Variants in EFEMP1 observed in about 807,000 individuals in gnomAD.
EFEMP1 encodes EGF-like fibulin extracellular matrix protein 1.
A neutral mutation model predicts 65.7 loss-of-function variants in EFEMP1; 18 were observed. That is an observed-to-expected ratio of 0.27 (90% CI 0.19 to 0.41). EFEMP1 has a LOEUF of 0.41. Among genes scored for constraint, EFEMP1 ranks in the 10% least tolerant of loss-of-function variants. EFEMP1 has a pLI of 1.00. For synonymous variants in EFEMP1, 237 were observed against 219.7 expected (o/e 1.08, Z -0.70); for missense variants, 469 against 624.8 (o/e 0.75, Z 2.66).
At position 55,922,301 on chromosome 2, in the gene EFEMP1, C is replaced by CT. The variant is rs1326082501; in HGVS notation, c.81+58dup. ...ATACACTGGCAGGGGTGTGTAAAGT[C>CT]TTTTTTTGTCACAGAATCCCGCTGA... On this transcript the variant is annotated intron_variant, in intron 3 of 11. Transcript: ENST00000355426. The surrounding 1 kb of genome is among the most constrained non-coding windows in gnomAD (Gnocchi z 5.5). The CT allele has an allele frequency of 1.4e-5, 22 of 1,544,316 alleles. No individual in the cohort carries two copies. The highest frequency in any genetic ancestry group is 1.9e-5 in the Non-Finnish European group (21 of 1,117,594).
intron 8 of EFEMP1, among the ~76,000 whole-genome samples, chr2:55,875,449 A>G (rs1572789606): frequency 2.0e-5 from 3 of 151,840 alleles, no homozygotes; most frequent in African/African-American, 7.3e-5. Context: ...AAATATTGCA[A>G]ATTCTGAAAT....
In EFEMP1 at chr2:55,870,598, A is replaced by G. The variant is rs1265588386; in HGVS notation, c.1320+122T>C. 1 of 1,227,574 alleles carries G rather than the reference A, an allele frequency of 8.1e-7. No individual in the cohort carries two copies. The highest frequency in any genetic ancestry group is 1.2e-6 in the Non-Finnish European group (1 of 848,966). The allele number at this position is 1,227,574 out of a possible 1,614,324, so 76.0% of individuals were successfully genotyped here. ...GGAAGGCCTTACACAATGCCTACAC[A>G]TAAGACACTTTAAATGTTTGCTTTC... On this transcript the variant is annotated intron_variant, in intron 11 of 11. Coordinates refer to ENST00000355426, the MANE Select transcript of EFEMP1 (RefSeq NM_001039348.3). This position sits in a 1 kb window ranked among gnomAD's most constrained non-coding sequence, Gnocchi z 5.8.
In EFEMP1 at chr2:55,889,392, C is replaced by T. The variant is rs551728926; in HGVS notation, c.518-7658G>A. Among the ~76,000 whole-genome samples the T allele has an allele frequency of 2.0e-5, 3 of 152,296 alleles. No homozygotes were observed. The East Asian group carries it at 5.8e-4, about 29-fold the overall frequency. The stretch of plus-strand genomic sequence containing the variant: ...TTTTTCAATAAAGAATACCTTTGTG[C>T]CTCTTGCCTTCAGAGAATGTTACTT... On this transcript the variant is annotated intron_variant, in intron 5 of 11. Coordinates refer to ENST00000355426, the MANE Select transcript of EFEMP1 (RefSeq NM_001039348.3).
In EFEMP1 at chr2:55,883,201, A is replaced by T. The variant is rs2104394831; in HGVS notation, c.518-1467T>A. Among the ~76,000 whole-genome samples, 1 of 152,256 alleles carries T rather than the reference A, an allele frequency of 6.6e-6. No individual in the cohort carries two copies. The highest frequency in any genetic ancestry group is 2.1e-4 in the South Asian group (1 of 4,826). On this transcript the variant is annotated intron_variant, in intron 5 of 11. Transcript: ENST00000355426. This position sits in a 1 kb window ranked among gnomAD's most constrained non-coding sequence, Gnocchi z 4.5. The stretch of plus-strand genomic sequence containing the variant: ...AATCTATAAAGCATCCACTTACGTA[A>T]TTCTTTGAACTTGGTTTTAAAGTTT...
chr2:55,868,878 C>T (rs1019604818), intron 11 of EFEMP1, among the ~76,000 whole-genome samples: 16 of 152,218 alleles, frequency 1.1e-4, no homozygotes, highest in Admixed American at 3.3e-4. Flanking sequence ...GATTTTCATG[C>T]GTTTCAATGC....
At chr2:55,892,326 A>C (rs1351076007) in intron 5 of EFEMP1, among the ~76,000 whole-genome samples, 1 of 152,124 alleles carries the variant, frequency 6.6e-6, no homozygotes, top group Non-Finnish European at 1.5e-5. Context: ...TGCTGTTTTT[A>C]AAAGTATTTG....
intron 5 of EFEMP1, among the ~76,000 whole-genome samples, chr2:55,904,425 G>A (rs1337014771): frequency 6.6e-6 from 1 of 152,214 alleles, no homozygotes; most frequent in Non-Finnish European, 1.5e-5. Flanking sequence ...GGGATGCCTA[G>A]ATAGCTGTTA....
intron 11 of EFEMP1, among the ~76,000 whole-genome samples, chr2:55,868,292 C>G (rs1668665118): frequency 6.6e-6 from 1 of 152,088 alleles, no homozygotes; most frequent in Admixed American, 6.6e-5. Context: ...GTGCCAGGTA[C>G]CATTCTATGT....
At position 55,867,143 on chromosome 2, in the gene EFEMP1, C is replaced by T. The variant is rs766253306; in HGVS notation, c.1412G>A (p.Ser471Asn). ...HIVDLEMLTV[S>N]SIGTFRTSSV... ...GCTTGTGCGGAAGGTCCCTATACTG[C>T]TGACTGTCAGCATCTCCAGGTCCAC... The change falls in exon 12 of 12, where the codon AGC becomes AAC. Residue 471 changes from serine (S) to asparagine (N), a missense_variant. By Grantham distance (46) the Ser-to-Asn change is conservative. Transcript: ENST00000355426. The surrounding 1 kb of genome is among the most constrained non-coding windows in gnomAD (Gnocchi z 4.3). 6 of 1,613,792 alleles carry T rather than the reference C, an allele frequency of 3.7e-6. No homozygotes were observed. In the African/African-American group the frequency reaches 8.0e-5, roughly 22 times the overall value.
At chr2:55,912,893 A>G (rs896206386) in intron 5 of EFEMP1, among the ~76,000 whole-genome samples, 9 of 152,126 alleles carry the variant, frequency 5.9e-5, no homozygotes, top group African/African-American at 2.2e-4. Flanking sequence ...TTCCCATGGT[A>G]TGACACATAT....
intron 5 of EFEMP1, among the ~76,000 whole-genome samples, chr2:55,884,838 G>A (rs559198742): frequency 5.3e-5 from 8 of 152,270 alleles, no homozygotes; most frequent in Admixed American, 4.6e-4. Context: ...TTTGGGTGGG[G>A]ATGGGGGATC....
chr2:55,922,947 C>A lies in EFEMP1; in HGVS notation c.-48-8G>T. The A allele has an allele frequency of 2.0e-6, 2 of 1,017,100 alleles. No individual in the cohort carries two copies. The highest frequency in any genetic ancestry group is 3.4e-5 in the African/African-American group (2 of 58,270). The allele number at this position is 1,017,100 out of a possible 1,614,324, so 63.0% of individuals were successfully genotyped here. ...ACAGCACAGCAAAAATACCTGTGAG[C>A]CAATATGAATTGCCTTGGCCTCAAG... On this transcript the variant is annotated splice_polypyrimidine_tract_variant and splice_region_variant and intron_variant, in intron 1 of 11. Transcript: ENST00000355426. This position sits in a 1 kb window ranked among gnomAD's most constrained non-coding sequence, Gnocchi z 5.5.
At chr2:55,887,988 T>C (rs944710618) in intron 5 of EFEMP1, among the ~76,000 whole-genome samples, 2 of 152,170 alleles carry the variant, frequency 1.3e-5, no homozygotes, top group African/African-American at 4.8e-5. Context: ...TGGACAACAG[T>C]GTTCATTTGC....
At chr2:55,884,265 T>C (rs1405468298) in intron 5 of EFEMP1, among the ~76,000 whole-genome samples, 1 of 152,252 alleles carries the variant, frequency 6.6e-6, no homozygotes. Context: ...ATTTTGAAAA[T>C]TATACTTTGA....
chr2:55,899,008 C>T (rs1008297866), intron 5 of EFEMP1, among the ~76,000 whole-genome samples: 1 of 152,208 alleles, frequency 6.6e-6, no homozygotes, highest in Non-Finnish European at 1.5e-5. Context: ...ACAATACTGT[C>T]ACCATTATGC....
intron 8 of EFEMP1, among the ~76,000 whole-genome samples, chr2:55,876,253 G>GT (rs1213472326): frequency 6.6e-6 from 1 of 152,048 alleles, no homozygotes; most frequent in Non-Finnish European, 1.5e-5. Context: ...GTCACCTGCA[G>GT]TTTTTGTTGA....
rs1031339845 is a variant in EFEMP1 at position 55,873,557 on chromosome 2, A to G, written c.1000+1389T>C. Among the ~76,000 whole-genome samples the G allele has an allele frequency of 2.6e-5, 4 of 152,102 alleles. No individual in the cohort carries two copies. The highest frequency in any genetic ancestry group is 9.7e-5 in the African/African-American group (4 of 41,446). ...GAGAAATTTGTTAAGACATTCCACT[A>G]GCTAACATTTTCTTGCATGTAATAT... On this transcript the variant is annotated intron_variant, in intron 9 of 11. Transcript: ENST00000355426. This position sits in a 1 kb window ranked among gnomAD's most constrained non-coding sequence, Gnocchi z 4.6.
chr2:55,875,373 T>TA (rs201323759), intron 8 of EFEMP1, among the ~76,000 whole-genome samples: 76 of 98,582 alleles, frequency 7.7e-4, no homozygotes, highest in African/African-American at 3.5e-3. Flanking sequence ...CACATATATA[T>TA]TTTTTTTGTT....
chr2:55,877,716 C>G lies in EFEMP1; in HGVS notation c.760+30G>C. On this transcript the variant is annotated intron_variant, in intron 7 of 11. Coordinates refer to ENST00000355426, the MANE Select transcript of EFEMP1 (RefSeq NM_001039348.3). The surrounding 1 kb of genome is among the most constrained non-coding windows in gnomAD (Gnocchi z 4.5). Reference sequence around the variant, plus strand: ...GGCATGGGGTTTCCTTTTGTGAAGACAGAAATCAGCAAGTTCTCAAAAGGC... The same window carrying G: ...GGCATGGGGTTTCCTTTTGTGAAGAGAGAAATCAGCAAGTTCTCAAAAGGC... 6.2e-7 allele frequency: 1 copy of G among 1,612,112 alleles called. No homozygotes were observed. The highest frequency in any genetic ancestry group is 8.5e-7 in the Non-Finnish European group (1 of 1,178,648).
Sources: allele counts gnomAD v4.1 joint callset (sites outside exome capture counted in the v4.1 genomes callset), GRCh38; gene constraint gnomAD v4.1.1; non-coding constraint Gnocchi (gnomAD v3.1); transcripts MANE v1.5; gene names NCBI Gene and HGNC (gene_info 2026-07-23, HGNC 2026-07-21).